The following CACNA2D2 variants were observed in gnomAD, a reference collection of about 807,000 sequenced individuals.
CACNA2D2 encodes the protein calcium voltage-gated channel auxiliary subunit alpha2delta 2.
In CACNA2D2, 48 loss-of-function variants were observed where a neutral mutation model predicts 166.4. That is an observed-to-expected ratio of 0.29 (90% CI 0.23 to 0.37). CACNA2D2 has a LOEUF of 0.37. CACNA2D2 is among the 10% of genes least tolerant of loss of function. CACNA2D2 has a pLI of 1.00. For missense variants in CACNA2D2, 1,122 were observed against 1,433.0 expected (o/e 0.78, Z 3.50); for synonymous variants, 561 against 573.7 (o/e 0.98, Z 0.32).
At chr3:50,461,259 C>G (rs576817905) in intron 2 of CACNA2D2, among the ~76,000 whole-genome samples, 1 of 152,330 alleles carries the variant, frequency 6.6e-6, no homozygotes, top group East Asian at 1.9e-4. Flanking sequence ...GGGGACCTCT[C>G]CATAGCAACT....
intron 3 of CACNA2D2, among the ~76,000 whole-genome samples, chr3:50,407,379 C>A (rs913270990): frequency 3.9e-5 from 6 of 152,144 alleles, no homozygotes; most frequent in African/African-American, 1.4e-4. Context: ...CCTAGGCCTG[C>A]CACTCGTGGG....
At chr3:50,478,701 A>G (rs1344088146) in intron 1 of CACNA2D2, among the ~76,000 whole-genome samples, 1 of 152,230 alleles carries the variant, frequency 6.6e-6, no homozygotes, top group African/African-American at 2.4e-5. Context: ...AGTAGTGAAC[A>G]CAGGACTTGC....
At chr3:50,407,164 G>A (rs373470768) in intron 3 of CACNA2D2, among the ~76,000 whole-genome samples, 2 of 151,760 alleles carry the variant, frequency 1.3e-5, no homozygotes, top group African/African-American at 2.4e-5. Flanking sequence ...TGAAGACAAC[G>A]AGGTCAGGGG....
In CACNA2D2 at chr3:50,367,919, G is replaced by A; in HGVS notation, c.2144-17C>T. On this transcript the variant is annotated splice_polypyrimidine_tract_variant and intron_variant, in intron 24 of 37. Transcript: ENST00000424201. This position sits in a 1 kb window ranked among gnomAD's most constrained non-coding sequence, Gnocchi z 6.5. ...AGTTGTTGCCTGGAACAGGAGGGGA[G>A]GGGTGGGGGTGGGGGCATCTTCTTG... 7.0e-7 allele frequency: 1 copy of A among 1,433,048 alleles called. No homozygotes were observed. The highest frequency in any genetic ancestry group is 9.7e-7 in the Non-Finnish European group (1 of 1,026,868). 88.8% of individuals were successfully genotyped at this position (1,433,048 alleles called of 1,614,324 possible). A position where few individuals can be genotyped will look rare whatever the true frequency, so the allele number is the denominator to read the frequency against.
At chr3:50,409,844 G>C (rs1353699420) in intron 3 of CACNA2D2, among the ~76,000 whole-genome samples, 2 of 152,202 alleles carry the variant, frequency 1.3e-5, no homozygotes, top group African/African-American at 4.8e-5. Flanking sequence ...TGTGTGGCTG[G>C]GGATGGACCC....
chr3:50,454,704 ATT>A (rs372719915), intron 2 of CACNA2D2, among the ~76,000 whole-genome samples: 4 of 151,238 alleles, frequency 2.6e-5, no homozygotes, highest in Non-Finnish European at 5.9e-5. Flanking sequence ...CTAAAAAAAA[ATT>A]TTTTTTTTGA....
At chr3:50,399,112 G>A (rs1042316981) in intron 3 of CACNA2D2, among the ~76,000 whole-genome samples, 1 of 152,180 alleles carries the variant, frequency 6.6e-6, no homozygotes, top group Non-Finnish European at 1.5e-5. Flanking sequence ...GGTGATGGGG[G>A]GCTGGGGCTC....
chr3:50,429,000 C>G (rs553786461), intron 3 of CACNA2D2, among the ~76,000 whole-genome samples: 1 of 152,228 alleles, frequency 6.6e-6, no homozygotes, highest in South Asian at 2.1e-4. Flanking sequence ...GAGGCCGAGG[C>G]GCGCAGGTTG....
chr3:50,384,442 G>A, intron 5 of CACNA2D2, 105 bp from the exon 6 acceptor site: 1 of 1,295,590 alleles, frequency 7.7e-7, no homozygotes, highest in Non-Finnish European at 1.1e-6. Context: ...AGGAGATAGG[G>A]GCATCTCAAA....
intron 3 of CACNA2D2, among the ~76,000 whole-genome samples, chr3:50,396,429 T>A (rs1706156025): frequency 6.6e-6 from 1 of 152,178 alleles, no homozygotes; most frequent in Non-Finnish European, 1.5e-5. Context: ...CTTCTCTGCA[T>A]GTAAAAGGCA....
At chr3:50,382,303 G>A (rs587702926) in intron 6 of CACNA2D2, among the ~76,000 whole-genome samples, 4 of 152,198 alleles carry the variant, frequency 2.6e-5, no homozygotes, top group East Asian at 1.9e-4. Flanking sequence ...CCGTCACCCC[G>A]TACAGGGATC....
chr3:50,496,006 C>T (rs1487488043), intron 1 of CACNA2D2, among the ~76,000 whole-genome samples: 1 of 152,214 alleles, frequency 6.6e-6, no homozygotes, highest in Non-Finnish European at 1.5e-5. Flanking sequence ...GGTAGAAGAT[C>T]AAACTTTCCA....
intron 2 of CACNA2D2, among the ~76,000 whole-genome samples, chr3:50,436,716 A>T (rs887845990): frequency 5.3e-5 from 8 of 152,226 alleles, no homozygotes; most frequent in South Asian, 2.1e-4. Flanking sequence ...AGAATTCTGC[A>T]GATGGAATCA....
In CACNA2D2 at chr3:50,424,253, T is replaced by C. The variant is rs111974095; in HGVS notation, c.405+10060A>G. Among the ~76,000 whole-genome samples the C allele has an allele frequency of 1.7e-3, 260 of 152,314 alleles. 2 individuals are homozygous for C. Among genetic ancestry groups the C allele is most frequent in the African/African-American group, 5.8e-3 (242 of 41,564 alleles). On this transcript the variant is annotated intron_variant, in intron 3 of 37. Coordinates refer to ENST00000424201, the MANE Select transcript of CACNA2D2 (RefSeq NM_006030.4). The stretch of plus-strand genomic sequence containing the variant: ...GCTGCACCTGCCTAAGAGGGACCCT[T>C]GGCCACAGGTTCTTTTTTGGGGCAG...
In CACNA2D2 at chr3:50,366,105, G is replaced by A. The variant is rs756490722; in HGVS notation, c.2768C>T (p.Ser923Phe). 3 of 1,613,874 alleles carry A rather than the reference G, an allele frequency of 1.9e-6. No individual in the cohort carries two copies. The Admixed American group carries it at 5.0e-5, about 27-fold the overall frequency. Residue 923 changes from serine to phenylalanine, a missense_variant, in exon 32 of 38, where the codon TCC becomes TTC. Ser to Phe is a radical substitution (Grantham distance 155). This residue lies in a region of CACNA2D2 where 840 missense variants were observed against 1,166.8 expected (regional missense o/e 0.72). Transcript: ENST00000424201. The surrounding 1 kb of genome is among the most constrained non-coding windows in gnomAD (Gnocchi z 5.9). ...ANLMLALYNN[S>F]FYTRKESYDY... is the part of the protein sequence containing the mutation. ...ATAGGACTCCTTGCGGGTGTAGAAG[G>A]AGTTATTGTAGAGTGCCAGCATCAG...
intron 15 of CACNA2D2, 64 bp from the exon 16 acceptor site, chr3:50,377,867 G>A: frequency 2.6e-6 from 4 of 1,519,230 alleles, no homozygotes; most frequent in Non-Finnish European, 3.6e-6. Context: ...TGAGTGTTCA[G>A]AGCAGGGACT....
chr3:50,452,758 A>C (rs1709161705), intron 2 of CACNA2D2, among the ~76,000 whole-genome samples: 1 of 152,242 alleles, frequency 6.6e-6, no homozygotes, highest in Non-Finnish European at 1.5e-5. Flanking sequence ...ACAGGACTTT[A>C]TCACAAGAGT....
chr3:50,372,473 A>G (rs1441096526), intron 22 of CACNA2D2, among the ~76,000 whole-genome samples: 1 of 152,194 alleles, frequency 6.6e-6, no homozygotes, highest in Admixed American at 6.5e-5. Flanking sequence ...CTGCTCTTCA[A>G]TGGCTGGGGC....
intron 2 of CACNA2D2, among the ~76,000 whole-genome samples, chr3:50,450,653 A>G (rs920750167): frequency 6.6e-6 from 1 of 152,130 alleles, no homozygotes; most frequent in African/African-American, 2.4e-5. Flanking sequence ...TATTTTTCCA[A>G]AGAAAAGGCT....
Sources: gnomAD v4.1 joint callset for allele counts (sites outside exome capture counted in the v4.1 genomes callset) on GRCh38, gnomAD v4.1.1 for gene constraint, gnomAD v4.1.1 regional missense constraint, Gnocchi (gnomAD v3.1) non-coding constraint, MANE v1.5 for transcripts, NCBI Gene and HGNC (gene_info 2026-07-23, HGNC 2026-07-21) for gene names.